The following SEMA6D variants were observed in gnomAD, a reference collection of about 807,000 sequenced individuals.
SEMA6D encodes the protein semaphorin 6D.
SEMA6D carries 35 observed loss-of-function variants against 106.6 expected under a neutral mutation model. The ratio of observed to expected loss-of-function variants is 0.33; its 90% CI spans 0.25 to 0.44. SEMA6D has a LOEUF of 0.44. Among genes scored for constraint, SEMA6D ranks in the 20% least tolerant of loss-of-function variants. The pLI is 1.00. For synonymous variants in SEMA6D, 499 were observed against 487.7 expected, an observed-to-expected ratio of 1.02 and a Z score of -0.31; for missense variants, 1,185 against 1,345.9, an observed-to-expected ratio of 0.88 and a Z score of 1.87.
At chr15:47,269,992 G>C (rs1416020922) in intron 1 of SEMA6D, among the ~76,000 whole-genome samples, 2 of 151,576 alleles carry the variant, frequency 1.3e-5, no homozygotes, top group Non-Finnish European at 2.9e-5. Context: ...TAATAATACT[G>C]AGTCAGATAA....
chr15:47,487,140 T>A (rs1362291874), intron 3 of SEMA6D, among the ~76,000 whole-genome samples: 1 of 152,150 alleles, frequency 6.6e-6, no homozygotes, highest in African/African-American at 2.4e-5. Context: ...TCAAACAATA[T>A]ACAGATACAT....
intron 4 of SEMA6D, among the ~76,000 whole-genome samples, chr15:47,679,495 C>T (rs1381030434): frequency 6.6e-6 from 1 of 152,166 alleles, no homozygotes; most frequent in Non-Finnish European, 1.5e-5. Context: ...AAAGAAAATG[C>T]CTGGTTTCCC....
chr15:47,720,346 G>A (rs2079354869), intron 1 of SEMA6D, among the ~76,000 whole-genome samples: 3 of 141,700 alleles, frequency 2.1e-5, no homozygotes, highest in Admixed American at 1.5e-4. Flanking sequence ...ATCACCAACA[G>A]CTGGTTAACT....
At chr15:47,573,049 C>T (rs2076091418) in intron 3 of SEMA6D, among the ~76,000 whole-genome samples, 1 of 151,774 alleles carries the variant, frequency 6.6e-6, no homozygotes, top group Non-Finnish European at 1.5e-5. Flanking sequence ...GTTCTCTGTG[C>T]CCGGCAGTTT....
intron 3 of SEMA6D, among the ~76,000 whole-genome samples, chr15:47,481,503 C>T (rs1037514108): frequency 1.3e-5 from 2 of 152,126 alleles, no homozygotes; most frequent in African/African-American, 4.8e-5. Flanking sequence ...CTCCTCAAAC[C>T]GACCTTGACT....
At chr15:47,550,132 A>G (rs975715235) in intron 3 of SEMA6D, among the ~76,000 whole-genome samples, 2 of 152,210 alleles carry the variant, frequency 1.3e-5, no homozygotes, top group Non-Finnish European at 2.9e-5. Context: ...TATCATGGAA[A>G]GCTAAAATTG....
intron 3 of SEMA6D, among the ~76,000 whole-genome samples, chr15:47,481,566 A>G (rs2043153319): frequency 6.6e-6 from 1 of 152,158 alleles, no homozygotes. Flanking sequence ...TTAGGTCACA[A>G]CCATTGCAAT....
intron 1 of SEMA6D, among the ~76,000 whole-genome samples, chr15:47,336,753 G>A (rs1177022457): frequency 1.3e-5 from 2 of 152,138 alleles, no homozygotes; most frequent in Non-Finnish European, 2.9e-5. Context: ...AACTGACTCT[G>A]AAACAGTGTG....
chr15:47,670,159 G>A (rs2078110829), intron 4 of SEMA6D, among the ~76,000 whole-genome samples: 1 of 152,170 alleles, frequency 6.6e-6, no homozygotes, highest in Non-Finnish European at 1.5e-5. Context: ...GCGCAAAATA[G>A]AATTAGTCAG....
chr15:47,701,391 A>G (rs2078807948), intron 4 of SEMA6D, among the ~76,000 whole-genome samples: 2 of 152,142 alleles, frequency 1.3e-5, no homozygotes, highest in Admixed American at 1.3e-4. Context: ...ATGTTGGCCA[A>G]AGGATACAAA....
intron 4 of SEMA6D, among the ~76,000 whole-genome samples, chr15:47,639,197 G>A (rs1481307556): frequency 2.0e-5 from 3 of 152,198 alleles, no homozygotes; most frequent in Non-Finnish European, 4.4e-5. Context: ...TGTACAGCAT[G>A]AGCCTGGTGC....
chr15:47,217,810 A>G (rs1202405152), intron 1 of SEMA6D, among the ~76,000 whole-genome samples: 2 of 151,516 alleles, frequency 1.3e-5, no homozygotes, highest in Admixed American at 6.6e-5. Flanking sequence ...ATGTTTGTAT[A>G]TACACATACA....
At chr15:47,737,324 T>C (rs139536348) in intron 1 of SEMA6D, among the ~76,000 whole-genome samples, 49 of 147,754 alleles carry the variant, frequency 3.3e-4, no homozygotes, top group African/African-American at 1.2e-3. Context: ...ACAATAACTG[T>C]CTTCACCAAG....
intron 1 of SEMA6D, among the ~76,000 whole-genome samples, chr15:47,277,613 T>TTATTTATTTA (rs1555414610): frequency 9.2e-4 from 119 of 129,622 alleles, no homozygotes; most frequent in African/African-American, 3.0e-3. Flanking sequence ...ATTATTATTA[T>TTATTTATTTA]TTATTATTAT....
In SEMA6D at chr15:47,224,739, A is replaced by G. The variant is rs906956343; in HGVS notation, c.-239+40321A>G. On this transcript the variant is annotated intron_variant, in intron 1 of 19. Coordinates refer to the SEMA6D transcript ENST00000558014. Reference sequence around the variant, plus strand: ...ATGACAGTTATTCAGTTGAACTGTAAGTAGAAGTCTGGAACCTGTTAACAT... The same window carrying G: ...ATGACAGTTATTCAGTTGAACTGTAGGTAGAAGTCTGGAACCTGTTAACAT... Among the ~76,000 whole-genome samples the G allele has an allele frequency of 2.6e-5, 4 of 152,108 alleles. 1 individual carries two copies. Among genetic ancestry groups the G allele is most frequent in the Non-Finnish European group, 5.9e-5 (4 of 68,006 alleles).
intron 3 of SEMA6D, among the ~76,000 whole-genome samples, chr15:47,528,411 G>T (rs2044835682): frequency 6.6e-6 from 1 of 152,122 alleles, no homozygotes; most frequent in Non-Finnish European, 1.5e-5. Context: ...TCAAAGGCTT[G>T]CAATTTGAAG....
intron 1 of SEMA6D, among the ~76,000 whole-genome samples, chr15:47,294,717 G>T (rs1244414397): frequency 6.6e-6 from 1 of 152,090 alleles, no homozygotes; most frequent in Non-Finnish European, 1.5e-5. Context: ...GTCCCTTCCT[G>T]CAGGATTCTC....
At chr15:47,320,565 GC>G (rs2036885369) in intron 1 of SEMA6D, among the ~76,000 whole-genome samples, 1 of 152,016 alleles carries the variant, frequency 6.6e-6, no homozygotes, top group Non-Finnish European at 1.5e-5. Context: ...TGTAACTTCT[GC>G]CCCCTTCTCC....
chr15:47,521,146 G>T (rs1253263243), intron 3 of SEMA6D, among the ~76,000 whole-genome samples: 1 of 152,150 alleles, frequency 6.6e-6, no homozygotes, highest in Non-Finnish European at 1.5e-5. Flanking sequence ...GGGTCAACAT[G>T]GACTCATTCA....
Sources: gnomAD v4.1 joint callset for allele counts (sites outside exome capture counted in the v4.1 genomes callset) on GRCh38, gnomAD v4.1.1 for gene constraint, MANE v1.5 for transcripts, NCBI Gene and HGNC (gene_info 2026-07-23, HGNC 2026-07-21) for gene names.